The following RAPGEF1 variants were observed in gnomAD, a reference collection of about 807,000 sequenced individuals.
RAPGEF1 encodes the protein CRK SH3-binding GNRP.
RAPGEF1 carries 33 observed loss-of-function variants against 143.3 expected under a neutral mutation model. The ratio of observed to expected loss-of-function variants is 0.23; its 90% CI spans 0.17 to 0.31. The LOEUF is 0.31. Ranked by LOEUF, RAPGEF1 falls within the 10% of genes least tolerant of loss-of-function variation. RAPGEF1 has a pLI of 1.00. For synonymous variants in RAPGEF1, 629 were observed against 676.5 expected (o/e 0.93, Z 1.09); for missense variants, 1,199 against 1,645.4 (o/e 0.73, Z 4.69).
intron 1 of RAPGEF1, among the ~76,000 whole-genome samples, chr9:131,674,490 G>A (rs1248382118): frequency 6.6e-6 from 1 of 152,202 alleles, no homozygotes; most frequent in Non-Finnish European, 1.5e-5. Flanking sequence ...CCCAAGGCGT[G>A]AGAAGCCACC....
chr9:131,690,783 C>A (rs1246313155), intron 1 of RAPGEF1, among the ~76,000 whole-genome samples: 1 of 152,056 alleles, frequency 6.6e-6, no homozygotes, highest in Non-Finnish European at 1.5e-5. Flanking sequence ...CAAAGTGAGA[C>A]CCTGTCTCAA....
At chr9:131,657,078 G>A (rs1335580125) in intron 1 of RAPGEF1, among the ~76,000 whole-genome samples, 1 of 152,242 alleles carries the variant, frequency 6.6e-6, no homozygotes, top group Admixed American at 6.5e-5. Context: ...CCTTGGGTTA[G>A]CAGCACAGGC....
chr9:131,626,109 G>T lies in RAPGEF1; in HGVS notation c.1515C>A (p.Ile505=). The T allele has an allele frequency of 6.2e-7, 1 of 1,614,022 alleles. No homozygotes were observed. The highest frequency in any genetic ancestry group is 8.5e-7 in the Non-Finnish European group (1 of 1,179,882). The change falls in exon 10 of 27, where the codon ATC becomes ATA. Residue 505 remains isoleucine (I), a synonymous_variant. Coordinates refer to ENST00000683357, the MANE Select transcript of RAPGEF1 (RefSeq NM_001377935.1). ...YERHPSQYDN[I]SGEDLQSTAP... is the part of the protein sequence containing the mutation. ...CTGTGCTCTGCAGGTCCTCCCCAGA[G>T]ATGTTGTCATACTGCGAGGGATGCC...
chr9:131,582,438 A>T (rs1373806915), intron 25 of RAPGEF1, among the ~76,000 whole-genome samples, 167 bp downstream of exon 25: 2 of 151,934 alleles, frequency 1.3e-5, no homozygotes, highest in Non-Finnish European at 2.9e-5. Flanking sequence ...TGTATTGTAT[A>T]TTATGCATTA....
chr9:131,582,667 C>T lies in RAPGEF1; in HGVS notation c.3450G>A (p.Ser1150=), dbSNP rs35754546. The T allele has an allele frequency of 7.8e-6, 12 of 1,543,774 alleles. No homozygotes were observed. Among genetic ancestry groups the T allele is most frequent in the East Asian group, 2.6e-5 (1 of 38,144 alleles). The change falls in exon 25 of 27, where the codon TCG becomes TCA. Residue 1150 remains serine (S), a synonymous_variant. Transcript: ENST00000683357. The part of the protein sequence containing the change: ...LAEYCTLIDS[S]SSFRAYRAAL... ...CGGCCCGGTAGGCTCGGAAGGAGGA[C>T]GAGCTGTCGATCAGTGTGCAGTACT...
At chr9:131,652,495 T>C (rs1446827083) in intron 1 of RAPGEF1, among the ~76,000 whole-genome samples, 1 of 152,196 alleles carries the variant, frequency 6.6e-6, no homozygotes, top group African/African-American at 2.4e-5. Context: ...TATATCCTTA[T>C]TCTTTAAGCT....
At chr9:131,684,388 A>G (rs985577219) in intron 1 of RAPGEF1, among the ~76,000 whole-genome samples, 9 of 152,234 alleles carry the variant, frequency 5.9e-5, no homozygotes, top group Non-Finnish European at 1.5e-5. Flanking sequence ...ATAATGCCCC[A>G]GGCTATCCTA....
chr9:131,630,394 G>A, intron 5 of RAPGEF1, 70 bp from the exon 6 acceptor site: 2 of 1,467,126 alleles, frequency 1.4e-6, no homozygotes, highest in Non-Finnish European at 1.9e-6. Context: ...AAGGCAGGCA[G>A]GTGCTGTCTG....
chr9:131,647,533 T>C (rs1469027587), intron 3 of RAPGEF1, among the ~76,000 whole-genome samples: 2 of 152,166 alleles, frequency 1.3e-5, no homozygotes, highest in Non-Finnish European at 2.9e-5. Flanking sequence ...ATGTACGTAA[T>C]CACTCCCTAA....
Position 131,723,254 on chromosome 9 carries a change from A to C in RAPGEF1, c.61+16516T>G, listed in dbSNP as rs920138238. On this transcript the variant is annotated intron_variant, in intron 1 of 26. Coordinates refer to ENST00000683357, the MANE Select transcript of RAPGEF1 (RefSeq NM_001377935.1). ...ATATTTAAGATTAAATTATGTAATTATATAAACATTGAAAAAACTGTGGTA... is the reference window on the plus strand; with the variant it reads ...ATATTTAAGATTAAATTATGTAATTCTATAAACATTGAAAAAACTGTGGTA... Among the ~76,000 whole-genome samples the C allele has an allele frequency of 3.3e-5, 5 of 152,232 alleles. No individual in the cohort carries two copies. The East Asian group carries it at 9.6e-4, about 29-fold the overall frequency.
chr9:131,650,446 T>C lies in RAPGEF1; in HGVS notation c.202-204A>G, dbSNP rs1390525310. Among the ~76,000 whole-genome samples the C allele has an allele frequency of 2.0e-5, 3 of 152,242 alleles. No individual in the cohort carries two copies. The highest frequency in any genetic ancestry group is 3.8e-4 in the East Asian group (2 of 5,196). On this transcript the variant is annotated intron_variant, in intron 2 of 26. Coordinates refer to ENST00000683357, the MANE Select transcript of RAPGEF1 (RefSeq NM_001377935.1). The surrounding 1 kb of genome is among the most constrained non-coding windows in gnomAD (Gnocchi z 4.7). ...ACAGGCCCTAAAGCCAAATGATGGA[T>C]GTTCTGGACATCACAGAGTTCCCTG...
rs1409726479 is a variant in RAPGEF1, at chr9:131,675,358, C to A, written c.62-24409G>T. Among the ~76,000 whole-genome samples the A allele has an allele frequency of 6.6e-6, 1 of 152,150 alleles. No homozygotes were observed. The highest frequency in any genetic ancestry group is 1.9e-4 in the East Asian group (1 of 5,178). ...GGCGAGGCTGTGGAGGAGGGCTCTGCGGGAGCAGGGAGCCCGGCAGCTTCC... is the reference window on the plus strand; with the variant it reads ...GGCGAGGCTGTGGAGGAGGGCTCTGAGGGAGCAGGGAGCCCGGCAGCTTCC... On this transcript the variant is annotated intron_variant, in intron 1 of 26. Coordinates refer to ENST00000683357, the MANE Select transcript of RAPGEF1 (RefSeq NM_001377935.1). This position sits in a 1 kb window ranked among gnomAD's most constrained non-coding sequence, Gnocchi z 4.6.
rs773088732 is a variant in RAPGEF1, at chr9:131,631,454, C to T, written c.652-1130G>A. 4.2e-4 allele frequency among the ~76,000 whole-genome samples: 64 copies of T among 152,348 alleles called. 1 individual carries two copies. Among genetic ancestry groups the T allele is most frequent in the Admixed American group, 1.0e-3 (16 of 15,300 alleles). On this transcript the variant is annotated intron_variant, in intron 5 of 26. Transcript: ENST00000683357. ...TCGTGTGGGCGAGGCGCCTGCTGCTCGCTGCCAGCAGTGTTCCCACTCGTG... is the reference window on the plus strand; with the variant it reads ...TCGTGTGGGCGAGGCGCCTGCTGCTTGCTGCCAGCAGTGTTCCCACTCGTG...
intron 1 of RAPGEF1, among the ~76,000 whole-genome samples, chr9:131,693,003 G>T (rs531505564): frequency 2.6e-5 from 4 of 152,172 alleles, no homozygotes; most frequent in African/African-American, 9.6e-5. Flanking sequence ...CTGGCTAAGG[G>T]GCATACTCCA....
intron 1 of RAPGEF1, among the ~76,000 whole-genome samples, chr9:131,712,007 G>A (rs915913197): frequency 6.6e-6 from 1 of 152,092 alleles, no homozygotes; most frequent in Non-Finnish European, 1.5e-5. Context: ...AGATCTTAAG[G>A]CCTCATAATT....
At chr9:131,585,079 G>C (rs966356344) in intron 22 of RAPGEF1, among the ~76,000 whole-genome samples, 8 of 152,196 alleles carry the variant, frequency 5.3e-5, no homozygotes, top group Non-Finnish European at 8.8e-5. Context: ...CCAAAGGCCA[G>C]TCTCATCTGT....
chr9:131,662,076 T>A (rs1232819290), intron 1 of RAPGEF1, among the ~76,000 whole-genome samples: 2 of 152,174 alleles, frequency 1.3e-5, no homozygotes, highest in Non-Finnish European at 2.9e-5. Context: ...AAACCAAAAC[T>A]CATTCAATGA....
At chr9:131,587,328 G>C (rs1278853000) in intron 22 of RAPGEF1, among the ~76,000 whole-genome samples, 1 of 143,058 alleles carries the variant, frequency 7.0e-6, no homozygotes, top group Admixed American at 7.2e-5. Flanking sequence ...ACACACACAC[G>C]AATTAAAGAC....
intron 1 of RAPGEF1, among the ~76,000 whole-genome samples, chr9:131,724,471 T>C (rs899898068): frequency 2.0e-5 from 3 of 152,090 alleles, no homozygotes; most frequent in Non-Finnish European, 4.4e-5. Flanking sequence ...GGCGGGCGCC[T>C]GTAGTCCCAG....
Sources: allele counts gnomAD v4.1 joint callset (sites outside exome capture counted in the v4.1 genomes callset), GRCh38; gene constraint gnomAD v4.1.1; non-coding constraint Gnocchi (gnomAD v3.1); transcripts MANE v1.5; gene names NCBI Gene and HGNC (gene_info 2026-07-23, HGNC 2026-07-21).